Variants in E2F7 observed in about 807,000 individuals in gnomAD.
The protein encoded by E2F7 is E2F transcription factor 7, also known as transcription factor E2F7.
Under a neutral mutation model 81.1 loss-of-function variants are expected in E2F7, and 35 were observed. The ratio of observed to expected loss-of-function variants is 0.43; its 90% confidence interval spans 0.33 to 0.57. E2F7 has a LOEUF of 0.57. Among genes scored for constraint, E2F7 ranks in the 20% least tolerant of loss-of-function variants. The pLI is 0.04. For missense variants in E2F7, 961 were observed against 1,093.7 expected, an observed-to-expected ratio of 0.88 and a Z score of 1.71; for synonymous variants, 416 against 416.2, an observed-to-expected ratio of 1.00 and a Z score of 0.01.
At chr12:77,064,708 A>G in intron 1 of E2F7, 73 bp from the exon 2 acceptor site, 2 of 1,247,874 alleles carry the variant, frequency 1.6e-6, no homozygotes, top group South Asian at 2.5e-5. Flanking sequence ...ATATCTACAT[A>G]TGTGTTACTT....
At chr12:77,054,003 A>G (rs1955010700) in intron 3 of E2F7, among the ~76,000 whole-genome samples, 1 of 152,176 alleles carries the variant, frequency 6.6e-6, no homozygotes. Context: ...AAAAAGGTAT[A>G]AAAAAGTCTG....
chr12:77,037,933 G>T (rs892363886), intron 7 of E2F7, among the ~76,000 whole-genome samples: 4 of 151,974 alleles, frequency 2.6e-5, no homozygotes, highest in African/African-American at 7.2e-5. Context: ...AATAGAGACA[G>T]AAATTATTTA....
At chr12:77,047,425 A>AT (rs1338004120) in intron 4 of E2F7, among the ~76,000 whole-genome samples, 39 of 152,310 alleles carry the variant, frequency 2.6e-4, no homozygotes, top group African/African-American at 8.4e-4. Context: ...CCCTGCTAGC[A>AT]TAAGAGGTCA....
At position 77,055,921 on chromosome 12, in the gene E2F7, C is replaced by T; in HGVS notation, c.303G>A (p.Arg101=). ...GTCGGAATAGTCCCTTTTTCTTCTC[C>T]CGGTCCCTTATATCTGGGCTGGCAG... is the stretch of plus-strand genomic sequence containing the variant. The part of the protein sequence containing the change: ...ISAASPDIRD[R]EKKKGLFRPI... The change falls in exon 3 of 13, where the codon CGG becomes CGA. Residue 101 remains arginine (R), a synonymous_variant. Transcript: ENST00000322886. The T allele has an allele frequency of 6.2e-7, 1 of 1,613,942 alleles. No individual in the cohort carries two copies. Among genetic ancestry groups the T allele is most frequent in the Non-Finnish European group, 8.5e-7 (1 of 1,179,930 alleles).
In E2F7 at chr12:77,034,696, G is replaced by A. The variant is rs542428322; in HGVS notation, c.1124-654C>T. ...GACACAACTTTCTATATAGACTGAG[G>A]CAGCTATCCTTGTTGTACAGACAGT... On this transcript the variant is annotated intron_variant, in intron 7 of 12. Transcript: ENST00000322886. Among the ~76,000 whole-genome samples, 28 of 152,270 alleles carry A rather than the reference G, an allele frequency of 1.8e-4. No individual in the cohort carries two copies. In the East Asian group the frequency reaches 4.8e-3, roughly 26 times the overall value.
At position 77,025,936 on chromosome 12, in the gene E2F7, A is replaced by T. The variant is rs1160237519; in HGVS notation, c.2187T>A (p.Pro729=). 1 of 1,613,408 alleles carries T rather than the reference A, an allele frequency of 6.2e-7. No homozygotes were observed. The highest frequency in any genetic ancestry group is 1.3e-5 in the African/African-American group (1 of 74,864). The change falls in exon 12 of 13, where the codon CCT becomes CCA. Residue 729 remains proline, a synonymous_variant. Transcript: ENST00000322886. ...GCTGACCTGAGGACGGGCCCACAGT[A>T]GGGGGGGTTTGACTGCCAGATAAAA... ...NVLLSGSQTP[P]TVGPSSGQLP...
Position 77,033,870 on chromosome 12 carries a change from G to C in E2F7, c.1296C>G (p.Tyr432Ter). 1 of 1,611,126 alleles carries C rather than the reference G, an allele frequency of 6.2e-7. No individual in the cohort carries two copies. The highest frequency in any genetic ancestry group is 8.5e-7 in the Non-Finnish European group (1 of 1,178,856). The change falls in exon 8 of 13, where the codon TAC becomes TAG. Residue 432 changes from tyrosine to a stop codon, truncating the protein, a stop_gained. Coordinates refer to ENST00000322886, the MANE Select transcript of E2F7 (RefSeq NM_203394.3). LOFTEE classifies it high-confidence loss of function. ...AAGGGCAGATACCTTGTTCTTCTCT[G>C]TACGGGCTGCTCGGTTCTGAGTTCA... ...RKVNSEPSSP[Y>*]REEQGSGGYS...
In E2F7 at chr12:77,025,938, G is replaced by A. The variant is rs1292358000; in HGVS notation, c.2185C>T (p.Pro729Ser). The A allele has an allele frequency of 4.3e-6, 7 of 1,613,412 alleles. No homozygotes were observed. The highest frequency in any genetic ancestry group is 1.3e-5 in the African/African-American group (1 of 74,858). The change falls in exon 12 of 13, where the codon CCT (proline) becomes TCT (serine). Residue 729 changes from proline (P) to serine (S), a missense_variant. Physicochemically the swap from Pro to Ser is moderately conservative, Grantham distance 74 (BLOSUM62 -1). Coordinates refer to ENST00000322886, the MANE Select transcript of E2F7 (RefSeq NM_203394.3). ...TGACCTGAGGACGGGCCCACAGTAG[G>A]GGGGGTTTGACTGCCAGATAAAAGT... is the stretch of plus-strand genomic sequence containing the variant. ...NVLLSGSQTPPTVGPSSGQLP... is the reference protein window; with the variant it reads ...NVLLSGSQTPSTVGPSSGQLP...
chr12:77,044,778 T>C lies in E2F7; in HGVS notation c.847A>G (p.Lys283Glu), dbSNP rs1190121454. The change falls in exon 6 of 13, where the codon AAA becomes GAA. Residue 283 changes from lysine to glutamate, a missense_variant. By Grantham distance (56) the Lys-to-Glu change is moderately conservative. Transcript: ENST00000322886. ...DCPSSSANSR[K>E]DKSLRIMSQK... Reference sequence around the variant, plus strand: ...CTCATAATTCTCAGAGACTTGTCTTTTCTACTGTTTGCAGATGCTACACAA... The same window carrying C: ...CTCATAATTCTCAGAGACTTGTCTTCTCTACTGTTTGCAGATGCTACACAA... The C allele has an allele frequency of 5.6e-6, 9 of 1,613,802 alleles. No homozygotes were observed. The highest frequency in any genetic ancestry group is 7.6e-6 in the Non-Finnish European group (9 of 1,179,978).
intron 7 of E2F7, among the ~76,000 whole-genome samples, chr12:77,036,745 T>C (rs1445237798): frequency 9.3e-6 from 1 of 106,980 alleles, no homozygotes; most frequent in Non-Finnish European, 2.1e-5. Context: ...GAATTCTCCA[T>C]TTTTTTTTTT....
chr12:77,065,162 T>C (rs908146068), intron 1 of E2F7, among the ~76,000 whole-genome samples, 183 bp downstream of exon 1: 1 of 152,162 alleles, frequency 6.6e-6, no homozygotes, highest in African/African-American at 2.4e-5. Context: ...AAATCCCCTC[T>C]ACTGCCGGGC....
At chr12:77,040,919 A>G (rs770261137) in intron 7 of E2F7, among the ~76,000 whole-genome samples, 2 of 152,220 alleles carry the variant, frequency 1.3e-5, no homozygotes, top group Non-Finnish European at 2.9e-5. Context: ...GAAGAGGAGA[A>G]AGACATTTAT....
chr12:77,046,351 T>C, intron 4 of E2F7, 23 bp from the exon 5 acceptor site: 1 of 1,601,642 alleles, frequency 6.2e-7, no homozygotes, highest in African/African-American at 1.3e-5. Flanking sequence ...CAGAGGCTGA[T>C]GGACATCATG....
rs895168081 is a variant in E2F7 at position 77,022,173 on chromosome 12, T to C, written c.*1842A>G. On this transcript the variant is annotated 3_prime_UTR_variant, in exon 13 of 13. Transcript: ENST00000322886. ...GTGGAAGTTCTTAAGCATGGTAGAA[T>C]TAACATGCATATACCCTGCACAGAT... is the stretch of plus-strand genomic sequence containing the variant. 5 of 152,218 alleles carry C rather than the reference T, an allele frequency of 3.3e-5. No homozygotes were observed. Among genetic ancestry groups the C allele is most frequent in the African/African-American group, 1.2e-4 (5 of 41,464 alleles). The allele number at this position is 152,218 out of a possible 1,614,324, so 9.4% of individuals were successfully genotyped here.
At chr12:77,049,198 G>A (rs888601804) in intron 4 of E2F7, among the ~76,000 whole-genome samples, 1 of 152,112 alleles carries the variant, frequency 6.6e-6, no homozygotes, top group Non-Finnish European at 1.5e-5. Context: ...CCATGTGAAT[G>A]CAACTGATAC....
chr12:77,028,473 C>CT lies in E2F7; in HGVS notation c.1885-336dup, dbSNP rs200375377. Among the ~76,000 whole-genome samples, 317 of 143,818 alleles carry CT rather than the reference C, an allele frequency of 2.2e-3. 2 individuals carry two copies. The highest frequency in any genetic ancestry group is 5.3e-3 in the African/African-American group (207 of 38,974). 94.4% of individuals were successfully genotyped at this position (143,818 alleles called of 152,430 possible). A position where few individuals can be genotyped will look rare whatever the true frequency, so the allele number is the denominator to read the frequency against. On this transcript the variant is annotated intron_variant, in intron 10 of 12. Transcript: ENST00000322886. ...TCCCAAAGTACTGGGATTAGTAAAT[C>CT]TTTTTTTTTTTTGAGACAGAGTCTC...
chr12:77,041,545 T>C (rs1019586519), intron 7 of E2F7, among the ~76,000 whole-genome samples: 6 of 152,206 alleles, frequency 3.9e-5, no homozygotes, highest in Non-Finnish European at 5.9e-5. Context: ...TCCTCTCTTT[T>C]AATCATTGTC....
rs557770444 is a variant in E2F7 at position 77,034,598 on chromosome 12, C to T, written c.1124-556G>A. Among the ~76,000 whole-genome samples, 4 of 152,304 alleles carry T rather than the reference C, an allele frequency of 2.6e-5. No homozygotes were observed. In the East Asian group the frequency reaches 7.7e-4, roughly 29 times the overall value. ...CAGAAACCTCATGGTTGAAATGCTG[C>T]AGAACAGTGAGATAATAAAAGGTTA... On this transcript the variant is annotated intron_variant, in intron 7 of 12. Coordinates refer to ENST00000322886, the MANE Select transcript of E2F7 (RefSeq NM_203394.3).
intron 2 of E2F7, among the ~76,000 whole-genome samples, chr12:77,056,516 A>G (rs1248621587): frequency 6.6e-6 from 1 of 152,218 alleles, no homozygotes; most frequent in Non-Finnish European, 1.5e-5. Flanking sequence ...GAAGAGCAAC[A>G]ATGCTTCTGT....
Sources: allele counts gnomAD v4.1 joint callset (sites outside exome capture counted in the v4.1 genomes callset), GRCh38; gene constraint gnomAD v4.1.1; transcripts MANE v1.5; gene names NCBI Gene and HGNC (gene_info 2026-07-23, HGNC 2026-07-21).